The following NAF1 variants were observed in gnomAD, a reference collection of about 807,000 sequenced individuals.
The protein encoded by NAF1 is nuclear assembly factor 1 ribonucleoprotein.
A neutral mutation model predicts 40.6 loss-of-function variants in NAF1; 11 were observed. The ratio of observed to expected loss-of-function variants is 0.27; its 90% CI spans 0.17 to 0.45. NAF1 has a LOEUF of 0.45. Among genes scored for constraint, NAF1 ranks in the 20% least tolerant of loss-of-function variants. The probability of loss-of-function intolerance (pLI) is 1.00; values close to 1 mark genes in which losing one functional copy is unlikely to be tolerated. For synonymous variants in NAF1, 260 were observed against 228.5 expected, an observed-to-expected ratio of 1.14 and a Z score of -1.24; for missense variants, 607 against 611.1, an observed-to-expected ratio of 0.99 and a Z score of 0.07.
At chr4:163,158,504 T>C (rs192739620) in intron 2 of NAF1, among the ~76,000 whole-genome samples, 27 of 152,194 alleles carry the variant, frequency 1.8e-4, no homozygotes, top group Admixed American at 4.6e-4. Context: ...AATTACCCTA[T>C]TGTGTATGAC....
rs571719254 is a variant in NAF1 at position 163,164,083 on chromosome 4, T to C, written c.540+134A>G. 6.7e-5 allele frequency: 78 copies of C among 1,160,700 alleles called. 1 individual carries two copies. In the African/African-American group the frequency reaches 1.1e-3, roughly 17 times the overall value. The allele number at this position is 1,160,700 out of a possible 1,614,324, so 71.9% of individuals were successfully genotyped here. ...TCTTTTACATAAGAAAGCCAAGGCA[T>C]ACCAAAAGCATGCCTATTAGGCTGA... On this transcript the variant is annotated intron_variant, in intron 2 of 7. Coordinates refer to ENST00000274054, the MANE Select transcript of NAF1 (RefSeq NM_138386.3).
intron 2 of NAF1, among the ~76,000 whole-genome samples, chr4:163,114,072 A>G (rs535676158): frequency 1.3e-5 from 2 of 152,374 alleles, no homozygotes; most frequent in South Asian, 2.1e-4. Flanking sequence ...TGTGTGGGAA[A>G]CTGGAAAAGG....
intron 1 of NAF1, among the ~76,000 whole-genome samples, chr4:163,164,779 C>G (rs752578001): frequency 8.5e-5 from 13 of 152,168 alleles, no homozygotes; most frequent in Admixed American, 3.3e-4. Flanking sequence ...TCACAACCAC[C>G]AGATCGCTTA....
At position 163,166,494 on chromosome 4, in the gene NAF1, G is replaced by C. The variant is rs528291320; in HGVS notation, c.234C>G (p.Thr78=). The change falls in exon 1 of 8, where the codon ACC becomes ACG. Residue 78 remains threonine, a synonymous_variant. Transcript: ENST00000274054. ...CCGGTGGCTGTGGCTGCGGCGCCGG[G>C]GTCCCGGCCGCGACGGCGTTCAGAA... ...QPVLNAVAAG[T]PAPQPQPPAE... The C allele has an allele frequency of 1.1e-3, 1,730 of 1,598,960 alleles. 5 individuals carry two copies. Among genetic ancestry groups the C allele is most frequent in the Non-Finnish European group, 1.1e-3 (1,305 of 1,172,720 alleles).
At position 163,166,437 on chromosome 4, in the gene NAF1, G is replaced by A. The variant is rs779729136; in HGVS notation, c.291C>T (p.Thr97=). 47 of 1,607,430 alleles carry A rather than the reference G, an allele frequency of 2.9e-5. No homozygotes were observed. Among genetic ancestry groups the A allele is most frequent in the African/African-American group, 1.1e-4 (8 of 74,742 alleles). ...AESPACGDCV[T]SPGAAEPARA... is the part of the protein sequence containing the mutation. Reference sequence around the variant, plus strand: ...GCGCAGGCTCTGCGGCTCCTGGGGAGGTGACGCAGTCTCCGCAGGCCGGCG... The same window carrying A: ...GCGCAGGCTCTGCGGCTCCTGGGGAAGTGACGCAGTCTCCGCAGGCCGGCG... Residue 97 remains threonine, a synonymous_variant, in exon 1 of 8, where the codon ACC becomes ACT. Transcript: ENST00000274054.
rs1311702538 is a variant in NAF1, at chr4:163,151,191, T to A, written c.541-2757A>T. ...TCCACTCCCTTACCCCACAGCATGTTTTTTAGCTAAAGAAACTAAACAATT... is the reference window on the plus strand; with the variant it reads ...TCCACTCCCTTACCCCACAGCATGTATTTTAGCTAAAGAAACTAAACAATT... On this transcript the variant is annotated intron_variant, in intron 2 of 7. Coordinates refer to ENST00000274054, the MANE Select transcript of NAF1 (RefSeq NM_138386.3). Among the ~76,000 whole-genome samples the A allele has an allele frequency of 2.6e-5, 4 of 152,004 alleles. No homozygotes were observed. The East Asian group carries it at 7.7e-4, about 29-fold the overall frequency.
chr4:163,159,929 A>C (rs1006069954), intron 2 of NAF1, among the ~76,000 whole-genome samples: 1 of 152,196 alleles, frequency 6.6e-6, no homozygotes, highest in Non-Finnish European at 1.5e-5. Flanking sequence ...ATGGGCACTA[A>C]TTTATAAAAC....
intron 2 of NAF1, among the ~76,000 whole-genome samples, chr4:163,114,977 C>T (rs554912272): frequency 1.8e-4 from 28 of 152,066 alleles, no homozygotes; most frequent in African/African-American, 6.5e-4. Context: ...ATTTCACTTA[C>T]ATTTTTACAT....
intron 2 of NAF1, among the ~76,000 whole-genome samples, chr4:163,153,477 G>A (rs1357342742): frequency 1.4e-5 from 2 of 147,954 alleles, no homozygotes; most frequent in African/African-American, 2.5e-5. Context: ...CTAGCTCAGG[G>A]ATTGTAAATA....
downstream of NAF1, among the ~76,000 whole-genome samples, chr4:163,124,496 T>C (rs1296278432): frequency 6.6e-6 from 1 of 152,206 alleles, no homozygotes; most frequent in African/African-American, 2.4e-5. Context: ...TAATGCCTAA[T>C]ACAACGTAAA....
downstream of NAF1, chr4:163,127,109 C>A (rs1400519229): frequency 4.5e-6 from 7 of 1,550,832 alleles, no homozygotes; most frequent in Non-Finnish European, 6.1e-6. Flanking sequence ...GTGAGATATA[C>A]CTGTACCTGG....
At chr4:163,113,800 A>T (rs1009328039) in intron 2 of NAF1, among the ~76,000 whole-genome samples, 27 of 152,226 alleles carry the variant, frequency 1.8e-4, no homozygotes, top group African/African-American at 6.0e-4. Context: ...CTACTTGATC[A>T]CTTAAAGTTA....
intron 7 of NAF1, among the ~76,000 whole-genome samples, chr4:163,130,566 CAAAT>C (rs1730832080): frequency 1.3e-5 from 2 of 152,170 alleles, no homozygotes; most frequent in South Asian, 4.1e-4. Context: ...AAAGGACACA[CAAAT>C]AAATCAATGG....
intron 2 of NAF1, among the ~76,000 whole-genome samples, chr4:163,148,855 A>G (rs1731583074): frequency 6.6e-6 from 1 of 152,192 alleles, no homozygotes. Flanking sequence ...TGGTTAGTTA[A>G]TTAGTTTGAC....
At chr4:163,112,322 G>A (rs561630192) in intron 2 of NAF1, among the ~76,000 whole-genome samples, 1 of 152,260 alleles carries the variant, frequency 6.6e-6, no homozygotes, top group East Asian at 1.9e-4. Context: ...AGGTTGGTAG[G>A]TGAACATGGT....
downstream of NAF1, among the ~76,000 whole-genome samples, chr4:163,122,224 A>C (rs1730537569): frequency 1.3e-5 from 2 of 152,190 alleles, no homozygotes; most frequent in Admixed American, 1.3e-4. Context: ...ATATTTAATA[A>C]ATAGCTTAAA....
At chr4:163,141,564 A>G (rs985268842) in intron 4 of NAF1, among the ~76,000 whole-genome samples, 6 of 152,140 alleles carry the variant, frequency 3.9e-5, no homozygotes, top group African/African-American at 9.7e-5. Flanking sequence ...GACTCAGGAC[A>G]ACTTACTTAA....
rs184843435 is a variant in NAF1, at chr4:163,146,672, G to A, written c.635-808C>T. ...TTAATTTTAACAGTGGATACTTCAG[G>A]CTGGGCACGGTGGCTCACGCCTGCA... On this transcript the variant is annotated intron_variant, in intron 3 of 7. Coordinates refer to ENST00000274054, the MANE Select transcript of NAF1 (RefSeq NM_138386.3). 1.4e-4 allele frequency among the ~76,000 whole-genome samples: 22 copies of A among 152,310 alleles called. No homozygotes were observed. The East Asian group carries it at 4.2e-3, about 29-fold the overall frequency.
At chr4:163,148,911 G>C (rs1006273899) in intron 2 of NAF1, among the ~76,000 whole-genome samples, 4 of 152,136 alleles carry the variant, frequency 2.6e-5, no homozygotes, top group African/African-American at 9.7e-5. Flanking sequence ...CTGCGACTGT[G>C]TCAAGAAGAG....
Sources: allele counts gnomAD v4.1 joint callset (sites outside exome capture counted in the v4.1 genomes callset), GRCh38; gene constraint gnomAD v4.1.1; transcripts MANE v1.5; gene names NCBI Gene and HGNC (gene_info 2026-07-23, HGNC 2026-07-21).